BZW2: variants seen among roughly 807,000 people sequenced by gnomAD.
BZW2 encodes the protein eIF5-mimic protein 1.
Under a neutral mutation model 53.2 loss-of-function variants are expected in BZW2, and 23 were observed. The ratio of observed to expected loss-of-function variants is 0.43; its 90% CI spans 0.31 to 0.61. The LOEUF is 0.61. Among genes scored for constraint, BZW2 ranks in the 20% least tolerant of loss-of-function variants. BZW2 has a pLI of 0.09. For synonymous variants in BZW2, 227 were observed against 186.4 expected, an observed-to-expected ratio of 1.22 and a Z score of -1.77; for missense variants, 409 against 503.1, an observed-to-expected ratio of 0.81 and a Z score of 1.79.
chr7:16,659,429 T>G (rs1260752586), intron 1 of BZW2, among the ~76,000 whole-genome samples: 1 of 152,190 alleles, frequency 6.6e-6, no homozygotes, highest in African/African-American at 2.4e-5. Context: ...AGGCATATAG[T>G]TAGTTTGTTG....
chr7:16,705,916 T>C (rs1783839801), intron 11 of BZW2, 144 bp from the exon 12 acceptor site: 1 of 880,916 alleles, frequency 1.1e-6, no homozygotes, highest in Admixed American at 2.5e-5. Flanking sequence ...TCTGCCCTCA[T>C]GTGACTATTT....
chr7:16,694,866 T>A lies in BZW2; in HGVS notation c.684T>A (p.Asp228Glu). 6.4e-7 allele frequency: 1 copy of A among 1,552,286 alleles called. No individual in the cohort carries two copies. The highest frequency in any genetic ancestry group is 8.8e-7 in the Non-Finnish European group (1 of 1,133,754). ...ELFPVNRQSV[D>E]HFAKYFTDAG... Reference sequence around the variant, plus strand: ...TTCCAGTTAACAGACAGAGTGTGGATCATTTTGCTAAATACTTCACTGACG... The same window carrying A: ...TTCCAGTTAACAGACAGAGTGTGGAACATTTTGCTAAATACTTCACTGACG... The change falls in exon 8 of 12, where the codon GAT (aspartate) becomes GAA (glutamate). Residue 228 changes from aspartate (D) to glutamate (E), a missense_variant. Coordinates refer to ENST00000258761, the MANE Select transcript of BZW2 (RefSeq NM_014038.3).
At chr7:16,686,811 G>A (rs1317651825) in intron 6 of BZW2, 7 of 152,120 alleles carry the variant, frequency 4.6e-5, no homozygotes, top group African/African-American at 9.7e-5. Flanking sequence ...TGTAGCTAAG[G>A]AAAGAATAGT....
Position 16,656,145 on chromosome 7 carries a change from A to ATG in BZW2, c.-7-9291_-7-9290insGT, listed in dbSNP as rs1240674209. ...TGTATATATATAAATGACTATATATATATATACATAAATATTTTTTCCCAG... is the reference window on the plus strand; with the variant it reads ...TGTATATATATAAATGACTATATATATGTATATACATAAATATTTTTTCCCAG... On this transcript the variant is annotated intron_variant, in intron 1 of 11. Transcript: ENST00000258761. Among the ~76,000 whole-genome samples, 6 of 149,978 alleles carry ATG rather than the reference A, an allele frequency of 4.0e-5. No individual in the cohort carries two copies. The South Asian group carries it at 6.3e-4, about 16-fold the overall frequency.
At chr7:16,704,473 A>G (rs562988865) in intron 10 of BZW2, 74 bp from the exon 11 acceptor site, 2 of 1,366,124 alleles carry the variant, frequency 1.5e-6, no homozygotes, top group South Asian at 1.8e-5. Context: ...TTTCTATTAA[A>G]CTGTAATACA....
chr7:16,669,512 T>C (rs537083469), intron 2 of BZW2, among the ~76,000 whole-genome samples: 1 of 152,346 alleles, frequency 6.6e-6, no homozygotes, highest in South Asian at 2.1e-4. Context: ...TCTTGAAATA[T>C]ATGTGCAAAT....
At chr7:16,650,192 C>A (rs1046831510) in intron 1 of BZW2, among the ~76,000 whole-genome samples, 1 of 152,170 alleles carries the variant, frequency 6.6e-6, no homozygotes, top group Non-Finnish European at 1.5e-5. Flanking sequence ...TTTAACTTCT[C>A]CAAAAAGTAA....
intron 3 of BZW2, among the ~76,000 whole-genome samples, chr7:16,679,014 G>A (rs1252189039): frequency 6.6e-6 from 1 of 152,082 alleles, no homozygotes; most frequent in Non-Finnish European, 1.5e-5. Context: ...ACTGATGAAG[G>A]TCCATGTCCC....
At chr7:16,688,865 T>A (rs546415656) in intron 6 of BZW2, among the ~76,000 whole-genome samples, 17 of 152,306 alleles carry the variant, frequency 1.1e-4, no homozygotes, top group South Asian at 2.1e-4. Context: ...GATTTTTTTT[T>A]AAATCCAGAA....
rs573614806 is a variant in BZW2, at chr7:16,690,456, C to T, written c.651+550C>T. 9.2e-5 allele frequency among the ~76,000 whole-genome samples: 14 copies of T among 152,308 alleles called. No individual in the cohort carries two copies. In the Middle Eastern group the frequency reaches 0.01, roughly 111 times the overall value. ...CTGACCTCAAGTAATCCGCCCACCT[C>T]AGCCTCCCAAAGTGCTGGGATTATA... On this transcript the variant is annotated intron_variant, in intron 7 of 11. Transcript: ENST00000258761.
chr7:16,682,820 A>G lies in BZW2; in HGVS notation c.380A>G (p.Lys127Arg), dbSNP rs200567141. ...ATCAGGAGATATAAGTATTTGGAGA[A>G]GGCATTTGAAGATGAAATGAAAAAG... ...KLIRRYKYLE[K>R]AFEDEMKKLL... Residue 127 changes from lysine to arginine, a missense_variant, in exon 5 of 12, where the codon AAG becomes AGG. Coordinates refer to ENST00000258761, the MANE Select transcript of BZW2 (RefSeq NM_014038.3). 41 of 1,580,882 alleles carry G rather than the reference A, an allele frequency of 2.6e-5. No homozygotes were observed. The highest frequency in any genetic ancestry group is 3.5e-5 in the Non-Finnish European group (40 of 1,156,788).
chr7:16,698,011 C>A (rs200088139), intron 9 of BZW2, 37 bp from the exon 10 acceptor site: 2 of 1,612,300 alleles, frequency 1.2e-6, no homozygotes, highest in Non-Finnish European at 1.7e-6. Flanking sequence ...GTACCTCCCA[C>A]GCAAGTGACG....
At chr7:16,665,832 A>G (rs1782406781) in intron 2 of BZW2, among the ~76,000 whole-genome samples, 1 of 152,210 alleles carries the variant, frequency 6.6e-6, no homozygotes, top group Non-Finnish European at 1.5e-5. Context: ...TTGTCGTTTT[A>G]TGAAAACGTT....
At chr7:16,659,729 G>T (rs1335150116) in intron 1 of BZW2, among the ~76,000 whole-genome samples, 1 of 152,126 alleles carries the variant, frequency 6.6e-6, no homozygotes, top group African/African-American at 2.4e-5. Context: ...AGTACTTCAT[G>T]AGAACACTGC....
At chr7:16,692,902 T>A (rs1216494187) in intron 7 of BZW2, among the ~76,000 whole-genome samples, 1 of 152,188 alleles carries the variant, frequency 6.6e-6, no homozygotes, top group Non-Finnish European at 1.5e-5. Flanking sequence ...GTGAACTGTT[T>A]AAATATCTCC....
chr7:16,697,551 C>A (rs1241252850), intron 9 of BZW2, among the ~76,000 whole-genome samples: 2 of 152,070 alleles, frequency 1.3e-5, no homozygotes, highest in South Asian at 2.1e-4. Flanking sequence ...CAGGGAAGGC[C>A]CTTTGGAAGA....
At chr7:16,666,954 G>A (rs1332646001) in intron 2 of BZW2, among the ~76,000 whole-genome samples, 1 of 147,136 alleles carries the variant, frequency 6.8e-6, no homozygotes, top group African/African-American at 2.5e-5. Flanking sequence ...AGTCAGTTTT[G>A]CATAATTATA....
At chr7:16,669,209 TCTCC>T (rs958090624) in intron 2 of BZW2, among the ~76,000 whole-genome samples, 1 of 152,194 alleles carries the variant, frequency 6.6e-6, no homozygotes, top group African/African-American at 2.4e-5. Flanking sequence ...CACTGCAGCC[TCTCC>T]CTCCCAGATT....
At chr7:16,648,718 T>TA (rs1327728790) in intron 1 of BZW2, among the ~76,000 whole-genome samples, 1 of 152,174 alleles carries the variant, frequency 6.6e-6, no homozygotes, top group East Asian at 1.9e-4. Context: ...CACTGGGCTC[T>TA]AAGGTCACCA....
Sources: gnomAD v4.1 joint callset for allele counts (sites outside exome capture counted in the v4.1 genomes callset) on GRCh38, gnomAD v4.1.1 for gene constraint, MANE v1.5 for transcripts, NCBI Gene and HGNC (gene_info 2026-07-23, HGNC 2026-07-21) for gene names.